PGM2: variants seen among roughly 807,000 people sequenced by gnomAD.
PGM2 encodes the protein phosphopentomutase.
In PGM2, 57 loss-of-function variants were observed where a neutral mutation model predicts 74.6. The ratio of observed to expected loss-of-function variants is 0.76; its 90% confidence interval spans 0.62 to 0.95. The LOEUF is 0.95. Ranked by LOEUF, PGM2 falls within the 40% of genes least tolerant of loss-of-function variation. The probability of loss-of-function intolerance (pLI) is 0.00; values close to 1 mark genes in which losing one functional copy is unlikely to be tolerated. For missense variants in PGM2, 706 were observed against 741.9 expected, an observed-to-expected ratio of 0.95 and a Z score of 0.56; for synonymous variants, 273 against 260.7, an observed-to-expected ratio of 1.05 and a Z score of -0.46.
chr4:37,845,212 TA>T (rs1443297256), intron 7 of PGM2, among the ~76,000 whole-genome samples: 1 of 152,228 alleles, frequency 6.6e-6, no homozygotes, highest in Non-Finnish European at 1.5e-5. Flanking sequence ...ATTTTTCTGA[TA>T]TGAAGTGTTG....
rs1307730818 is a variant in PGM2, at chr4:37,826,773, G to GGCTGGACCAGGAGACCGCCCA, written c.43_63dup (p.Leu15_Gln21dup). 6.5e-6 allele frequency: 10 copies of GGCTGGACCAGGAGACCGCCCA among 1,549,564 alleles called. No individual in the cohort carries two copies. The East Asian group carries it at 2.4e-4, about 38-fold the overall frequency. ...GGCAGCGGTCTAGGCGAGGACGCCC[G>GGCTGGACCAGGAGACCGCCCA]GCTGGACCAGGAGACCGCCCAGTGG... is the stretch of plus-strand genomic sequence containing the variant. On this transcript the variant is annotated inframe_insertion, in exon 1 of 14. Coordinates refer to ENST00000381967, the MANE Select transcript of PGM2 (RefSeq NM_018290.4).
chr4:37,861,886 TA>T lies in PGM2; in HGVS notation c.*275del. On this transcript the variant is annotated 3_prime_UTR_variant, in exon 14 of 14. Transcript: ENST00000381967. ...TTTTAAACTGACTAACTTAAAAAAA[TA>T]GATTGTAATTGATGTGCCTTAATTT... is the stretch of plus-strand genomic sequence containing the variant. The T allele has an allele frequency of 3.2e-6, 1 of 313,328 alleles. No homozygotes were observed. Among genetic ancestry groups the T allele is most frequent in the Non-Finnish European group, 6.1e-6 (1 of 162,938 alleles). The allele number at this position is 313,328 out of a possible 1,614,324, so 19.4% of individuals were successfully genotyped here. A position where few individuals can be genotyped will look rare whatever the true frequency, so the allele number is the denominator to read the frequency against.
Position 37,850,263 on chromosome 4 carries a change from A to C in PGM2, c.1492A>C (p.Arg498=), listed in dbSNP as rs1726000819. ...CATTAAGAAATTATTTGAAAACCTCAGAAACTACGATGGAAAAAATAATTA... is the reference window on the plus strand; with the variant it reads ...CATTAAGAAATTATTTGAAAACCTCCGAAACTACGATGGAAAAAATAATTA... ...ETIKKLFENL[R]NYDGKNNYPK... Residue 498 remains arginine (R), a synonymous_variant, in exon 12 of 14, where the codon AGA becomes CGA. Transcript: ENST00000381967. 1 of 1,585,462 alleles carries C rather than the reference A, an allele frequency of 6.3e-7. No individual in the cohort carries two copies. The highest frequency in any genetic ancestry group is 2.2e-5 in the East Asian group (1 of 44,516).
intron 13 of PGM2, among the ~76,000 whole-genome samples, chr4:37,858,921 T>G (rs1365662714): frequency 1.3e-5 from 2 of 152,154 alleles, no homozygotes; most frequent in African/African-American, 4.8e-5. Context: ...ACCCTTCACT[T>G]AGACCAAACT....
At chr4:37,837,976 G>A (rs182938048) in intron 4 of PGM2, among the ~76,000 whole-genome samples, 93 of 152,208 alleles carry the variant, frequency 6.1e-4, no homozygotes, top group African/African-American at 2.1e-3. Context: ...CGTGTCCCGG[G>A]TTCAAGCAAT....
chr4:37,861,553 G>C lies in PGM2; in HGVS notation c.1780G>C (p.Ala594Pro), dbSNP rs1204900683. ...GAAGGAACTGAATGAACTGGTCAGT[G>C]CTATTGAAGAACATTTTTTCCAGCC... is the stretch of plus-strand genomic sequence containing the variant. ...LKKELNELVS[A>P]IEEHFFQPQK... Residue 594 changes from alanine (A) to proline (P), a missense_variant, in exon 14 of 14, where the codon GCT becomes CCT. Coordinates refer to ENST00000381967, the MANE Select transcript of PGM2 (RefSeq NM_018290.4). 6.2e-7 allele frequency: 1 copy of C among 1,613,376 alleles called. No individual in the cohort carries two copies. Among genetic ancestry groups the C allele is most frequent in the East Asian group, 2.2e-5 (1 of 44,850 alleles).
At chr4:37,855,463 G>A (rs1726168433) in intron 12 of PGM2, 145 bp from the exon 13 acceptor site, 3 of 651,196 alleles carry the variant, frequency 4.6e-6, no homozygotes, top group African/African-American at 3.7e-5. Flanking sequence ...TTCATGTGGA[G>A]TACATTTTCT....
At position 37,856,380 on chromosome 4, in the gene PGM2, A is replaced by G. The variant is rs571855136; in HGVS notation, c.1736+639A>G. ...AGCCTGGGCGACAGAGCGAGACTCC[A>G]TCTCAAAAAAATAAATAAATAAATA... is the stretch of plus-strand genomic sequence containing the variant. On this transcript the variant is annotated intron_variant, in intron 13 of 13. Coordinates refer to ENST00000381967, the MANE Select transcript of PGM2 (RefSeq NM_018290.4). 3.0e-3 allele frequency among the ~76,000 whole-genome samples: 454 copies of G among 152,142 alleles called. 6 individuals carry two copies. The highest frequency in any genetic ancestry group is 5.2e-3 in the Admixed American group (80 of 15,240).
In PGM2 at chr4:37,826,768, C is replaced by T. The variant is rs1170917989; in HGVS notation, c.36C>T (p.Asp12=). Residue 12 remains aspartate, a synonymous_variant, in exon 1 of 14, where the codon GAC becomes GAT. Coordinates refer to ENST00000381967, the MANE Select transcript of PGM2 (RefSeq NM_018290.4). ...CAGAAGGCAGCGGTCTAGGCGAGGA[C>T]GCCCGGCTGGACCAGGAGACCGCCC... ...AAPEGSGLGE[D]ARLDQETAQW... 4.5e-6 allele frequency: 7 copies of T among 1,549,766 alleles called. No individual in the cohort carries two copies. The South Asian group carries it at 4.8e-5, about 11-fold the overall frequency.
chr4:37,836,675 A>G (rs1725574095), intron 3 of PGM2, among the ~76,000 whole-genome samples: 1 of 152,178 alleles, frequency 6.6e-6, no homozygotes, highest in South Asian at 2.1e-4. Flanking sequence ...GGGTGGTATA[A>G]TGTTGTTCAT....
intron 1 of PGM2, among the ~76,000 whole-genome samples, chr4:37,828,597 T>C (rs1390455125): frequency 6.6e-6 from 1 of 152,220 alleles, no homozygotes; most frequent in South Asian, 2.1e-4. Context: ...CAGGGCTGAT[T>C]CTGATCCTGC....
At chr4:37,855,382 CTCTTT>C (rs1438014266) in intron 12 of PGM2, among the ~76,000 whole-genome samples, 1 of 152,182 alleles carries the variant, frequency 6.6e-6, no homozygotes, top group African/African-American at 2.4e-5. Context: ...GGATTTCCTT[CTCTTT>C]TAAGGCTGAA....
At chr4:37,839,610 G>A (rs750953486) in intron 4 of PGM2, 9 of 634,548 alleles carry the variant, frequency 1.4e-5, no homozygotes, top group South Asian at 1.2e-4. Flanking sequence ...GAATGAGAAG[G>A]CACTGAGGAA....
In PGM2 at chr4:37,861,834, A is replaced by G; in HGVS notation, c.*222A>G. On this transcript the variant is annotated 3_prime_UTR_variant, in exon 14 of 14. Transcript: ENST00000381967. ...TCCTACTAAAAAGTTGAGCTTGGAC[A>G]TATTTTGAATTTTTGTAAGTGAAGA... 2.5e-6 allele frequency: 1 copy of G among 396,450 alleles called. No homozygotes were observed. Among genetic ancestry groups the G allele is most frequent in the East Asian group, 3.8e-5 (1 of 26,648 alleles). The allele number at this position is 396,450 out of a possible 1,614,324, so 24.6% of individuals were successfully genotyped here. A position where few individuals can be genotyped will look rare whatever the true frequency, so the allele number is the denominator to read the frequency against.
At chr4:37,844,975 CAAAAA>C (rs35469320) in intron 7 of PGM2, among the ~76,000 whole-genome samples, 2 of 94,296 alleles carry the variant, frequency 2.1e-5, no homozygotes, top group Non-Finnish European at 2.2e-5. Context: ...GACTTTGTCT[CAAAAA>C]AAAAAAAAAA....
rs1343078007 is a variant in PGM2, at chr4:37,862,294, T to TG, written c.*683dup. On this transcript the variant is annotated 3_prime_UTR_variant, in exon 14 of 14. Transcript: ENST00000381967. Reference sequence around the variant, plus strand: ...TGTTGAAACTCATCTTTTTAAATCTTGAAAAACCAATTGTTTACTTGAAAC... The same window carrying TG: ...TGTTGAAACTCATCTTTTTAAATCTTGGAAAAACCAATTGTTTACTTGAAAC... 6.6e-6 allele frequency: 1 copy of TG among 152,208 alleles called. No individual in the cohort carries two copies. The highest frequency in any genetic ancestry group is 2.4e-5 in the African/African-American group (1 of 41,472). The allele number at this position is 152,208 out of a possible 1,614,324, so 9.4% of individuals were successfully genotyped here.
chr4:37,852,726 A>G (rs1031798581), intron 12 of PGM2, among the ~76,000 whole-genome samples: 2 of 152,192 alleles, frequency 1.3e-5, no homozygotes, highest in African/African-American at 2.4e-5. Flanking sequence ...TATTGATGCC[A>G]TACTTATTCA....
intron 13 of PGM2, among the ~76,000 whole-genome samples, chr4:37,858,513 G>GTTTT (rs34291894): frequency 7.4e-6 from 1 of 135,058 alleles, no homozygotes; most frequent in African/African-American, 2.7e-5. Context: ...ATTTTTTGGT[G>GTTTT]TTTTTTTTTT....
At chr4:37,846,013 C>T (rs1725860763) in intron 8 of PGM2, among the ~76,000 whole-genome samples, 1 of 152,166 alleles carries the variant, frequency 6.6e-6, no homozygotes, top group African/African-American at 2.4e-5. Context: ...TGTAATTGAT[C>T]TTTTTATAAG....
Sources: gnomAD v4.1 joint callset for allele counts (sites outside exome capture counted in the v4.1 genomes callset) on GRCh38, gnomAD v4.1.1 for gene constraint, MANE v1.5 for transcripts, NCBI Gene and HGNC (gene_info 2026-07-23, HGNC 2026-07-21) for gene names.